The following DMD variants were observed in gnomAD, a reference collection of about 807,000 sequenced individuals.
DMD encodes the protein dystrophin.
Under a neutral mutation model 330.1 loss-of-function variants are expected in DMD, and 63 were observed. The observed-to-expected ratio is 0.19, with a 90% CI of 0.16 to 0.24. The LOEUF is 0.24. Ranked by LOEUF, DMD falls within the 10% of genes least tolerant of loss-of-function variation. The probability of loss-of-function intolerance (pLI) is 1.00; values close to 1 mark genes in which losing one functional copy is unlikely to be tolerated. For synonymous variants in DMD, 1,223 were observed against 959.8 expected (o/e 1.27, Z -5.07); for missense variants, 3,344 against 2,684.1 (o/e 1.25, Z -5.43).
chrX:32,019,727 G>A (rs1056677658), intron 44 of DMD, among the ~76,000 whole-genome samples: 2 of 112,126 alleles, frequency 1.8e-5, no homozygotes, highest in Non-Finnish European at 3.8e-5. Context: ...CCTAAGTCTT[G>A]TGTTCAACAC....
intron 55 of DMD, among the ~76,000 whole-genome samples, chrX:31,566,743 C>T (rs948201774): frequency 9.0e-6 from 1 of 111,623 alleles, no homozygotes; most frequent in Non-Finnish European, 1.9e-5. Context: ...GCCATATAAT[C>T]CACTTATTTA....
chrX:31,702,976 T>C (rs1207776907), intron 52 of DMD, among the ~76,000 whole-genome samples: 2 of 108,304 alleles, frequency 1.8e-5, no homozygotes, highest in Non-Finnish European at 3.8e-5. Context: ...TGCCTCAGCC[T>C]CCTGAGTAGC....
intron 47 of DMD, among the ~76,000 whole-genome samples, chrX:31,890,623 A>C (rs773160300): frequency 1.8e-5 from 2 of 111,238 alleles, no homozygotes; most frequent in East Asian, 5.7e-4. Context: ...AAACTTGCCA[A>C]TCTTCATGAT....
chrX:32,600,968 C>CT (rs200843236), intron 12 of DMD, among the ~76,000 whole-genome samples: 9,419 of 110,850 alleles, frequency 0.085, 382 homozygotes, highest in Middle Eastern at 0.14. Context: ...CAGGAATTGA[C>CT]TTTTTTTCAA....
At chrX:31,814,615 G>C (rs968898027) in intron 50 of DMD, among the ~76,000 whole-genome samples, 7 of 109,363 alleles carry the variant, frequency 6.4e-5, no homozygotes, top group African/African-American at 2.3e-4. Flanking sequence ...TCCTGATTTG[G>C]AGTCTTCACA....
At chrX:32,613,134 C>A (rs781103496) in intron 12 of DMD, among the ~76,000 whole-genome samples, 9 of 111,608 alleles carry the variant, frequency 8.1e-5, no homozygotes, top group African/African-American at 2.9e-4. Flanking sequence ...AGACACTCAG[C>A]AAAATGTGAA....
At chrX:32,425,462 C>T (rs1018339945) in intron 29 of DMD, among the ~76,000 whole-genome samples, 6 of 111,020 alleles carry the variant, frequency 5.4e-5, no homozygotes, top group African/African-American at 2.0e-4. Flanking sequence ...TTGGATCTTC[C>T]CTTATACTAC....
chrX:31,892,640 T>C (rs973145880), intron 47 of DMD, among the ~76,000 whole-genome samples: 2 of 111,850 alleles, frequency 1.8e-5, no homozygotes, highest in Non-Finnish European at 3.8e-5. Context: ...GGCTACATGA[T>C]ATAGCCTAAT....
intron 49 of DMD, among the ~76,000 whole-genome samples, chrX:31,825,167 A>C (rs1428198087): frequency 8.9e-6 from 1 of 111,747 alleles, no homozygotes; most frequent in Non-Finnish European, 1.9e-5. Context: ...AGTTTCTGTA[A>C]CCCTACAAAG....
chrX:31,749,203 T>C lies in DMD; in HGVS notation c.7543-19455A>G, dbSNP rs901502961. On this transcript the variant is annotated intron_variant, in intron 51 of 78. Coordinates refer to ENST00000357033, the MANE Select transcript of DMD (RefSeq NM_004006.3). ...ACATGTGCACAATGTGCAGGTTAGT[T>C]ACATATGTATACATGTGCCATGCTG... 5.5e-5 allele frequency among the ~76,000 whole-genome samples: 6 copies of C among 108,577 alleles called. No homozygotes were observed. The South Asian group carries it at 2.1e-3, about 38-fold the overall frequency. The allele number at this position is 108,577 out of a possible 115,157, so 94.3% of individuals were successfully genotyped here.
chrX:32,852,574 A>G (rs984791238), intron 2 of DMD, among the ~76,000 whole-genome samples: 1 of 111,431 alleles, frequency 9.0e-6, no homozygotes, highest in African/African-American at 3.3e-5. Context: ...CAGGTAGACC[A>G]TCAAGCAAGC....
chrX:32,407,837 G>A (rs1386223553), intron 30 of DMD, among the ~76,000 whole-genome samples: 4 of 108,137 alleles, frequency 3.7e-5, no homozygotes, highest in Admixed American at 2.0e-4. Flanking sequence ...CATGGATGAA[G>A]CTGGAAACCA....
At chrX:32,084,038 T>C (rs1195421251) in intron 44 of DMD, among the ~76,000 whole-genome samples, 1 of 112,555 alleles carries the variant, frequency 8.9e-6, no homozygotes, top group Non-Finnish European at 1.9e-5. Flanking sequence ...ATATTCTGAA[T>C]TTTCTTTTTG....
intron 1 of DMD, among the ~76,000 whole-genome samples, chrX:33,102,118 T>G (rs775710041): frequency 2.6e-3 from 291 of 112,043 alleles, no homozygotes; most frequent in African/African-American, 8.9e-3. Context: ...CTTCATAGAC[T>G]GTCACGTTTT....
chrX:32,970,753 A>ACTTTT lies in DMD; in HGVS notation c.93+49385_93+49386insAAAAG, dbSNP rs1219518915. ...TCTTTATTTAGTCTTAACACTGAAA[A>ACTTTT]GTCTTAATGAATGTGTATCTACCAT... On this transcript the variant is annotated intron_variant, in intron 2 of 78. Transcript: ENST00000357033. Among the ~76,000 whole-genome samples the ACTTTT allele has an allele frequency of 1.2e-4, 11 of 94,218 alleles. 3 individuals are homozygous for ACTTTT. Among genetic ancestry groups the ACTTTT allele is most frequent in the African/African-American group, 5.2e-4 (11 of 20,960 alleles). 81.8% of individuals were successfully genotyped at this position (94,218 alleles called of 115,157 possible).
intron 13 of DMD, among the ~76,000 whole-genome samples, chrX:32,577,182 G>A (rs1311310724): frequency 9.0e-6 from 1 of 111,410 alleles, no homozygotes; most frequent in Non-Finnish European, 1.9e-5. Flanking sequence ...AAAACACCAG[G>A]GATATGTGCA....
At chrX:32,413,910 A>G (rs2098155397) in intron 29 of DMD, among the ~76,000 whole-genome samples, 1 of 109,099 alleles carries the variant, frequency 9.2e-6, no homozygotes, top group Non-Finnish European at 1.9e-5. Flanking sequence ...TAGTAGAGAC[A>G]GGGTTTCACC....
At chrX:31,960,237 G>A (rs2095289960) in intron 45 of DMD, among the ~76,000 whole-genome samples, 1 of 110,925 alleles carries the variant, frequency 9.0e-6, no homozygotes, top group Non-Finnish European at 1.9e-5. Context: ...ACCACAGACT[G>A]TTGCCTCTTG....
intron 2 of DMD, among the ~76,000 whole-genome samples, chrX:32,948,734 A>G (rs964919371): frequency 2.2e-4 from 25 of 111,896 alleles, no homozygotes; most frequent in African/African-American, 7.8e-4. Context: ...TTAGTTGATA[A>G]GGGATGAGAA....
Sources: allele counts gnomAD v4.1 joint callset (sites outside exome capture counted in the v4.1 genomes callset), GRCh38; gene constraint gnomAD v4.1.1; transcripts MANE v1.5; gene names NCBI Gene and HGNC (gene_info 2026-07-23, HGNC 2026-07-21).